AZIN1: variants seen among roughly 807,000 people sequenced by gnomAD.
AZIN1 encodes the protein ornithine decarboxylase antizyme inhibitor.
A neutral mutation model predicts 47.4 loss-of-function variants in AZIN1; 12 were observed. That is an observed-to-expected ratio of 0.25 (90% CI 0.16 to 0.41). The LOEUF is 0.41. Ranked by LOEUF, AZIN1 falls within the 10% of genes least tolerant of loss-of-function variation. The pLI is 1.00. For missense variants in AZIN1, 410 were observed against 532.4 expected (o/e 0.77, Z 2.26); for synonymous variants, 155 against 176.3 (o/e 0.88, Z 0.96).
chr8:102,835,622 G>T (rs921414163), intron 6 of AZIN1: 1 of 152,134 alleles, frequency 6.6e-6, no homozygotes, highest in African/African-American at 2.4e-5. Context: ...ACTCCAGCAT[G>T]GGAGACAGAA....
intron 8 of AZIN1, 109 bp downstream of exon 8, chr8:102,834,080 T>C: frequency 3.8e-6 from 3 of 798,364 alleles, no homozygotes; most frequent in East Asian, 5.0e-5. Flanking sequence ...TTTAAAGAGA[T>C]GTTATAGGGT....
rs1811158678 is a variant in AZIN1, at chr8:102,827,112, C to A, written c.*1455G>T. ...CATTCCAAACTTCTCCTATGTAGCA[C>A]AGGTAGAATTTTCTGTCCATTGGCA... On this transcript the variant is annotated 3_prime_UTR_variant, in exon 12 of 12. Coordinates refer to ENST00000337198, the MANE Select transcript of AZIN1 (RefSeq NM_148174.4). The A allele has an allele frequency of 6.6e-6, 1 of 152,576 alleles. No homozygotes were observed. The highest frequency in any genetic ancestry group is 1.5e-5 in the Non-Finnish European group (1 of 68,014). The allele number at this position is 152,576 out of a possible 1,614,324, so 9.5% of individuals were successfully genotyped here.
In AZIN1 at chr8:102,858,144, G is replaced by C; in HGVS notation, c.-227C>G. ...GGGTAGTTGTATACTTGGTCAGAAAGTTCGCCCTAAAAGAAGGAAATAAAA... is the reference window on the plus strand; with the variant it reads ...GGGTAGTTGTATACTTGGTCAGAAACTTCGCCCTAAAAGAAGGAAATAAAA... On this transcript the variant is annotated 5_prime_UTR_variant, in exon 2 of 12. Coordinates refer to ENST00000337198, the MANE Select transcript of AZIN1 (RefSeq NM_148174.4). 2.5e-6 allele frequency: 1 copy of C among 398,922 alleles called. No homozygotes were observed. Among genetic ancestry groups the C allele is most frequent in the Non-Finnish European group, 4.4e-6 (1 of 225,988 alleles). 24.7% of individuals were successfully genotyped at this position (398,922 alleles called of 1,614,324 possible). A position where few individuals can be genotyped will look rare whatever the true frequency, so the allele number is the denominator to read the frequency against.
At chr8:102,860,285 C>T (rs186588564) in intron 1 of AZIN1, among the ~76,000 whole-genome samples, 288 of 152,230 alleles carry the variant, frequency 1.9e-3, no homozygotes, top group Non-Finnish European at 2.2e-3. Flanking sequence ...TTTTTTGAGA[C>T]GGAGTCTCGC....
At chr8:102,851,429 C>T (rs1272783111) in intron 2 of AZIN1, among the ~76,000 whole-genome samples, 2 of 152,168 alleles carry the variant, frequency 1.3e-5, no homozygotes, top group African/African-American at 4.8e-5. Context: ...AGATGCTGGC[C>T]GGACATGGTG....
intron 3 of AZIN1, among the ~76,000 whole-genome samples, chr8:102,842,953 G>A (rs994517878): frequency 1.3e-5 from 2 of 151,166 alleles, no homozygotes; most frequent in South Asian, 2.1e-4. Flanking sequence ...GCGGTGGCTC[G>A]TGCCTGTAAT....
intron 1 of AZIN1, among the ~76,000 whole-genome samples, chr8:102,862,766 T>A (rs1451572836): frequency 6.6e-6 from 1 of 152,156 alleles, no homozygotes; most frequent in Admixed American, 6.5e-5. Flanking sequence ...AGAACTAATA[T>A]AACCAAGATG....
chr8:102,861,488 C>A lies in AZIN1; in HGVS notation c.-234+2319G>T, dbSNP rs185484455. ...CCACCCGCCTCAGCCTCCCAAAGTG[C>A]TGGGATTACAGGCTTGAGCCACCGC... On this transcript the variant is annotated intron_variant, in intron 1 of 11. Coordinates refer to ENST00000337198, the MANE Select transcript of AZIN1 (RefSeq NM_148174.4). Among the ~76,000 whole-genome samples the A allele has an allele frequency of 3.2e-3, 483 of 152,002 alleles. 7 individuals are homozygous for A. The highest frequency in any genetic ancestry group is 0.011 in the African/African-American group (447 of 41,468).
chr8:102,836,631 T>C, intron 5 of AZIN1: 1 of 453,432 alleles, frequency 2.2e-6, no homozygotes, highest in South Asian at 3.5e-5. Flanking sequence ...AAGACTCTGT[T>C]GTAGCATCAA....
intron 1 of AZIN1, among the ~76,000 whole-genome samples, chr8:102,863,003 G>A (rs972989950): frequency 2.6e-5 from 4 of 152,228 alleles, no homozygotes; most frequent in Non-Finnish European, 4.4e-5. Flanking sequence ...GGCGCGGACG[G>A]AAAAACGAAG....
intron 5 of AZIN1, among the ~76,000 whole-genome samples, chr8:102,838,086 A>C (rs1376925655): frequency 1.3e-5 from 2 of 152,018 alleles, no homozygotes; most frequent in Non-Finnish European, 2.9e-5. Context: ...GGCGCAGGCC[A>C]CCTTGACCTT....
At chr8:102,847,658 A>G (rs954015687) in intron 2 of AZIN1, among the ~76,000 whole-genome samples, 1 of 151,746 alleles carries the variant, frequency 6.6e-6, no homozygotes, top group Non-Finnish European at 1.5e-5. Flanking sequence ...TCAACCACTC[A>G]GGCGATCCTC....
chr8:102,845,998 A>T (rs1469801638), intron 2 of AZIN1, among the ~76,000 whole-genome samples: 2 of 152,170 alleles, frequency 1.3e-5, no homozygotes, highest in Non-Finnish European at 2.9e-5. Flanking sequence ...CCTACTGATG[A>T]TGTTCAATGA....
intron 6 of AZIN1, 130 bp downstream of exon 6, chr8:102,836,126 A>G (rs935959800): frequency 8.2e-6 from 8 of 978,700 alleles, no homozygotes; most frequent in Admixed American, 7.3e-5. Context: ...AAACACATAC[A>G]TGTGTGTTAA....
At chr8:102,854,787 A>T (rs1371552386) in intron 2 of AZIN1, among the ~76,000 whole-genome samples, 2 of 133,010 alleles carry the variant, frequency 1.5e-5, no homozygotes, top group Non-Finnish European at 3.1e-5. Flanking sequence ...ACAACCAGGT[A>T]AAAAAAAAAA....
chr8:102,839,463 A>C (rs1311950759), intron 4 of AZIN1, among the ~76,000 whole-genome samples, 187 bp downstream of exon 4: 1 of 152,212 alleles, frequency 6.6e-6, no homozygotes, highest in African/African-American at 2.4e-5. Flanking sequence ...CATTACACTG[A>C]AACTTCCCTT....
Position 102,826,359 on chromosome 8 carries a change from A to G in AZIN1, c.*2208T>C, listed in dbSNP as rs1246316470. 2 of 152,676 alleles carry G rather than the reference A, an allele frequency of 1.3e-5. No individual in the cohort carries two copies. The highest frequency in any genetic ancestry group is 4.8e-5 in the African/African-American group (2 of 41,470). The allele number at this position is 152,676 out of a possible 1,614,324, so 9.5% of individuals were successfully genotyped here. ...CAGATAGAAGCCAAAGTAAAACATGAGGAATAAAAACATTTATCTATGTAT... is the reference window on the plus strand; with the variant it reads ...CAGATAGAAGCCAAAGTAAAACATGGGGAATAAAAACATTTATCTATGTAT... On this transcript the variant is annotated 3_prime_UTR_variant, in exon 12 of 12. Transcript: ENST00000337198.
chr8:102,847,833 A>G (rs1258103995), intron 2 of AZIN1, among the ~76,000 whole-genome samples: 1 of 152,072 alleles, frequency 6.6e-6, no homozygotes, highest in East Asian at 1.9e-4. Flanking sequence ...GGCCTCAAGC[A>G]ATCCTCCCAC....
At chr8:102,850,532 G>A (rs1019548139) in intron 2 of AZIN1, among the ~76,000 whole-genome samples, 13 of 152,104 alleles carry the variant, frequency 8.5e-5, no homozygotes. Flanking sequence ...CCTTGAGTAG[G>A]TCTGAAACAC....
Sources: gnomAD v4.1 joint callset for allele counts (sites outside exome capture counted in the v4.1 genomes callset) on GRCh38, gnomAD v4.1.1 for gene constraint, MANE v1.5 for transcripts, NCBI Gene and HGNC (gene_info 2026-07-23, HGNC 2026-07-21) for gene names.